Variants in GPN1 observed in about 807,000 individuals in gnomAD.
The protein encoded by GPN1 is GPN-loop GTPase 1.
A neutral mutation model predicts 55.9 loss-of-function variants in GPN1; 44 were observed. The ratio of observed to expected loss-of-function variants is 0.79; its 90% confidence interval spans 0.62 to 1.01. The LOEUF is 1.01. GPN1 is among the 50% of genes least tolerant of loss of function. GPN1 has a pLI of 0.00. For missense variants in GPN1, 466 were observed against 462.8 expected (o/e 1.01, Z -0.06); for synonymous variants, 179 against 162.5 (o/e 1.10, Z -0.77).
rs1674494774 is a variant in GPN1 at position 27,650,805 on chromosome 2, C to T, written c.*605C>T. The T allele has an allele frequency of 6.5e-6, 1 of 152,764 alleles. No homozygotes were observed. The highest frequency in any genetic ancestry group is 1.5e-5 in the Non-Finnish European group (1 of 68,028). 9.5% of individuals were successfully genotyped at this position (152,764 alleles called of 1,614,324 possible). A position where few individuals can be genotyped will look rare whatever the true frequency, so the allele number is the denominator to read the frequency against. ...CAAGACATGATTAATGAATCAGAATCCTGTTTCATTGGTGACTTGGATAAA... is the reference window on the plus strand; with the variant it reads ...CAAGACATGATTAATGAATCAGAATTCTGTTTCATTGGTGACTTGGATAAA... On this transcript the variant is annotated 3_prime_UTR_variant, in exon 14 of 14. Transcript: ENST00000610189.
chr2:27,629,067 G>C lies in GPN1; in HGVS notation c.9G>C (p.Ala3=). ...GTGGGGCCAGGAGGAAGATGGCGGC[G>C]TCCGCAGCTGCCGCTGAGCTCCAGG... MA[A]SAAAAELQAS... Residue 3 remains alanine, a synonymous_variant, in exon 1 of 14, where the codon GCG becomes GCC. Coordinates refer to ENST00000610189, the MANE Select transcript of GPN1 (RefSeq NM_007266.4). 2 of 1,614,198 alleles carry C rather than the reference G, an allele frequency of 1.2e-6. No individual in the cohort carries two copies. The highest frequency in any genetic ancestry group is 1.7e-6 in the Non-Finnish European group (2 of 1,180,034).
At chr2:27,649,505 C>T (rs1005655762) in intron 13 of GPN1, among the ~76,000 whole-genome samples, 5 of 152,154 alleles carry the variant, frequency 3.3e-5, no homozygotes, top group African/African-American at 1.2e-4. Context: ...CCTCACCCCC[C>T]AAAACTTCCT....
chr2:27,639,106 G>T, intron 9 of GPN1, 75 bp downstream of exon 9: 1 of 1,178,724 alleles, frequency 8.5e-7, no homozygotes, highest in East Asian at 2.4e-5. Flanking sequence ...CTTTGAACCT[G>T]GCTGAGAAAG....
Position 27,650,455 on chromosome 2 carries a change from T to TA in GPN1, c.*256dup. 3.9e-6 allele frequency: 1 copy of TA among 253,826 alleles called. No individual in the cohort carries two copies. Among genetic ancestry groups the TA allele is most frequent in the South Asian group, 8.4e-5 (1 of 11,970 alleles). 15.7% of individuals were successfully genotyped at this position (253,826 alleles called of 1,614,324 possible). ...TGCAAGGAAGGATATACTGAGCTGATACTCTTCCAAGCCTACAACTTCAAG... is the reference window on the plus strand; with the variant it reads ...TGCAAGGAAGGATATACTGAGCTGATAACTCTTCCAAGCCTACAACTTCAAG... On this transcript the variant is annotated 3_prime_UTR_variant, in exon 14 of 14. Transcript: ENST00000610189.
intron 11 of GPN1, among the ~76,000 whole-genome samples, chr2:27,641,858 T>A (rs1394149203): frequency 1.3e-5 from 2 of 152,152 alleles, no homozygotes; most frequent in African/African-American, 2.4e-5. Context: ...CTGGGCCTCC[T>A]GTAGTGCTAG....
upstream of GPN1, chr2:27,628,699 G>C: frequency 6.4e-7 from 1 of 1,551,706 alleles, no homozygotes; most frequent in Middle Eastern, 1.7e-4. Flanking sequence ...CGTTCTCTGT[G>C]GGCTCAAAAT....
chr2:27,647,735 T>G, intron 12 of GPN1, 101 bp from the exon 13 acceptor site: 1 of 695,526 alleles, frequency 1.4e-6, no homozygotes. Flanking sequence ...TTTATATGTA[T>G]CATGAGCACT....
chr2:27,628,613 G>T (rs568737551), upstream of GPN1: 407 of 1,551,420 alleles, frequency 2.6e-4, no homozygotes, highest in Admixed American at 4.9e-4. Flanking sequence ...GTCCCGGCTG[G>T]TCCAGCCCTG....
In GPN1 at chr2:27,642,958, T is replaced by TATACACACACACACACACAC. The variant is rs10643705; in HGVS notation, c.931+440_931+441insTACACACACACACACACACA. On this transcript the variant is annotated intron_variant, in intron 12 of 13. Coordinates refer to ENST00000610189, the MANE Select transcript of GPN1 (RefSeq NM_007266.4). ...AAATGTGGTTTTATATATATATATA[T>TATACACACACACACACACAC]ACACACACACACACACACACACACA... is the stretch of plus-strand genomic sequence containing the variant. Among the ~76,000 whole-genome samples the TATACACACACACACACACAC allele has an allele frequency of 7.3e-5, 9 of 122,658 alleles. No individual in the cohort carries two copies. The East Asian group carries it at 1.6e-3, about 22-fold the overall frequency. 80.5% of individuals were successfully genotyped at this position (122,658 alleles called of 152,430 possible). A position where few individuals can be genotyped will look rare whatever the true frequency, so the allele number is the denominator to read the frequency against.
chr2:27,639,648 C>T (rs1036925319), intron 9 of GPN1, among the ~76,000 whole-genome samples: 3 of 151,940 alleles, frequency 2.0e-5, no homozygotes, highest in African/African-American at 7.3e-5. Flanking sequence ...GCTTACCAAG[C>T]AGCTAAGACT....
At chr2:27,629,353 G>A (rs545041359) in intron 1 of GPN1, 184 bp downstream of exon 1, 14 of 1,543,004 alleles carry the variant, frequency 9.1e-6, no homozygotes, top group East Asian at 4.9e-5. Flanking sequence ...GTTAATTAAG[G>A]CTCTCTTCTG....
chr2:27,650,248 C>T lies in GPN1; in HGVS notation c.*48C>T. 9.1e-7 allele frequency: 1 copy of T among 1,095,016 alleles called. No homozygotes were observed. 67.8% of individuals were successfully genotyped at this position (1,095,016 alleles called of 1,614,324 possible). A position where few individuals can be genotyped will look rare whatever the true frequency, so the allele number is the denominator to read the frequency against. Reference sequence around the variant, plus strand: ...GTTTCTAGAAGTCCAGAATTTTGGACCTCCACGTGAAAGAACTGTTCTTAC... The same window carrying T: ...GTTTCTAGAAGTCCAGAATTTTGGATCTCCACGTGAAAGAACTGTTCTTAC... On this transcript the variant is annotated 3_prime_UTR_variant, in exon 14 of 14. Coordinates refer to ENST00000610189, the MANE Select transcript of GPN1 (RefSeq NM_007266.4).
At chr2:27,637,670 A>G (rs1277277854) in intron 7 of GPN1, among the ~76,000 whole-genome samples, 1 of 152,238 alleles carries the variant, frequency 6.6e-6, no homozygotes, top group Non-Finnish European at 1.5e-5. Flanking sequence ...GCTTATTAGC[A>G]CAGTGCCTAG....
At chr2:27,639,578 G>C (rs60301816) in intron 9 of GPN1, among the ~76,000 whole-genome samples, 268 of 151,876 alleles carry the variant, frequency 1.8e-3, no homozygotes, top group African/African-American at 6.3e-3. Context: ...AGAGTGTAGT[G>C]ACAGGATCAC....
At chr2:27,628,984 G>A, upstream of GPN1, 1 of 1,588,242 alleles carries the variant, frequency 6.3e-7, no homozygotes, top group Non-Finnish European at 8.6e-7. Context: ...GTTTTCGTTC[G>A]CAGCCCAGAA....
At position 27,629,097 on chromosome 2, in the gene GPN1, T is replaced by G; in HGVS notation, c.39T>G (p.Ser13=). 1 of 1,614,218 alleles carries G rather than the reference T, an allele frequency of 6.2e-7. No homozygotes were observed. Among genetic ancestry groups the G allele is most frequent in the East Asian group, 2.2e-5 (1 of 44,884 alleles). The change falls in exon 1 of 14, where the codon TCT becomes TCG. Residue 13 remains serine (S), a synonymous_variant. Transcript: ENST00000610189. ...CAGCTGCCGCTGAGCTCCAGGCTTC[T>G]GGGGGTCCGCGGCACCCAGTGTGTC... The part of the protein sequence containing the change: ...ASAAAAELQA[S]GGPRHPVCLL...
chr2:27,650,370 G>C lies in GPN1; in HGVS notation c.*170G>C. Reference sequence around the variant, plus strand: ...TGTGACTCAGATGAAGTCAGGGATAGAAGACCCTTGGACCTGGCAGGTTAA... The same window carrying C: ...TGTGACTCAGATGAAGTCAGGGATACAAGACCCTTGGACCTGGCAGGTTAA... On this transcript the variant is annotated 3_prime_UTR_variant, in exon 14 of 14. Transcript: ENST00000610189. 2.0e-6 allele frequency: 1 copy of C among 496,332 alleles called. No individual in the cohort carries two copies. Among genetic ancestry groups the C allele is most frequent in the South Asian group, 2.6e-5 (1 of 38,930 alleles). The allele number at this position is 496,332 out of a possible 1,614,324, so 30.7% of individuals were successfully genotyped here. A position where few individuals can be genotyped will look rare whatever the true frequency, so the allele number is the denominator to read the frequency against.
chr2:27,641,880 G>A (rs1673969434), intron 11 of GPN1, among the ~76,000 whole-genome samples: 1 of 152,132 alleles, frequency 6.6e-6, no homozygotes, highest in Admixed American at 6.5e-5. Flanking sequence ...ATTACAGGCA[G>A]GTGCCACCAT....
intron 13 of GPN1, 65 bp from the exon 14 acceptor site, chr2:27,650,050 T>TG: frequency 1.1e-6 from 1 of 869,652 alleles, no homozygotes; most frequent in Non-Finnish European, 2.0e-6. Context: ...GATGGATGGG[T>TG]GACGGGCTCT....
Sources: allele counts gnomAD v4.1 joint callset (sites outside exome capture counted in the v4.1 genomes callset), GRCh38; gene constraint gnomAD v4.1.1; transcripts MANE v1.5; gene names NCBI Gene and HGNC (gene_info 2026-07-23, HGNC 2026-07-21).